FAT4: variants seen among roughly 807,000 people sequenced by gnomAD.
The protein encoded by FAT4 is FAT atypical cadherin 4.
FAT4 carries 84 observed loss-of-function variants against 303.9 expected under a neutral mutation model. That is an observed-to-expected ratio of 0.28 (90% confidence interval 0.23 to 0.33). The LOEUF is 0.33. Ranked by LOEUF, FAT4 falls within the 10% of genes least tolerant of loss-of-function variation. FAT4 has a pLI of 1.00. For missense variants in FAT4, 6,005 were observed against 6,146.8 expected, an observed-to-expected ratio of 0.98 and a Z score of 0.77; for synonymous variants, 2,307 against 2,298.8, an observed-to-expected ratio of 1.00 and a Z score of -0.10.
Position 125,320,970 on chromosome 4 carries a change from C to T in FAT4, c.4559C>T (p.Thr1520Ile). Residue 1520 changes from threonine (T) to isoleucine (I), a missense_variant, in exon 2 of 18, where the codon ACA becomes ATA. Physicochemically the swap from Thr to Ile is moderately conservative, Grantham distance 89 (BLOSUM62 -1). Transcript: ENST00000394329. ...TTGAAGAACGTGACCATTTTGGTTA[C>T]AGACCTCAATGACAATGTCCCAATG... is the stretch of plus-strand genomic sequence containing the variant. ...YALKNVTILVTDLNDNVPMFI... is the reference protein window; with the variant it reads ...YALKNVTILVIDLNDNVPMFI... 6.2e-7 allele frequency: 1 copy of T among 1,614,190 alleles called. No individual in the cohort carries two copies. The highest frequency in any genetic ancestry group is 1.1e-5 in the South Asian group (1 of 91,082).
At chr4:125,474,142 C>A (rs1226744837) in intron 12 of FAT4, among the ~76,000 whole-genome samples, 2 of 151,978 alleles carry the variant, frequency 1.3e-5, no homozygotes, top group African/African-American at 4.8e-5. Flanking sequence ...CTCCATTATT[C>A]TTTCTTTGAG....
intron 3 of FAT4, among the ~76,000 whole-genome samples, chr4:125,402,743 C>A (rs1022186311): frequency 1.3e-5 from 2 of 151,970 alleles, no homozygotes; most frequent in Non-Finnish European, 2.9e-5. Context: ...ATGCTGTAAT[C>A]CCCCACTGTG....
chr4:125,445,850 G>A (rs1192725327), intron 8 of FAT4, among the ~76,000 whole-genome samples: 2 of 152,196 alleles, frequency 1.3e-5, no homozygotes, highest in East Asian at 1.9e-4. Context: ...TGTCTTAAAA[G>A]AATACAATTT....
Position 125,363,705 on chromosome 4 carries a change from A to T in FAT4, c.5176-35079A>T, listed in dbSNP as rs553199318. ...GAGACGGGGTTTCACTATGTTGGCC[A>T]GGATGGGCTCGATCTCCTGACCTCA... On this transcript the variant is annotated intron_variant, in intron 2 of 17. Transcript: ENST00000394329. Among the ~76,000 whole-genome samples the T allele has an allele frequency of 2.0e-4, 31 of 152,212 alleles. 1 individual carries two copies. In the South Asian group the frequency reaches 6.2e-3, roughly 31 times the overall value.
chr4:125,491,474 T>C lies in FAT4; in HGVS notation c.14658T>C (p.Tyr4886=), dbSNP rs1376805728. 1.2e-6 allele frequency: 2 copies of C among 1,614,180 alleles called. No individual in the cohort carries two copies. The highest frequency in any genetic ancestry group is 8.5e-7 in the Non-Finnish European group (1 of 1,180,034). ...CTGATGCAGATGATGAAGATAATTA[T>C]GGAGCCAGACTGAAGCCTCGAAGGT... ...NESDADDEDN[Y]GARLKPRRYH... Residue 4886 remains tyrosine, a synonymous_variant, in exon 18 of 18, where the codon TAT becomes TAC. Coordinates refer to ENST00000394329, the MANE Select transcript of FAT4 (RefSeq NM_001291303.3).
At chr4:125,381,960 A>T (rs1733559011) in intron 2 of FAT4, among the ~76,000 whole-genome samples, 1 of 152,232 alleles carries the variant, frequency 6.6e-6, no homozygotes, top group Admixed American at 6.5e-5. Flanking sequence ...ATCCATAAGA[A>T]GCAAATCTTC....
chr4:125,490,201 G>A lies in FAT4; in HGVS notation c.13385G>A (p.Arg4462Lys), dbSNP rs1727568738. The A allele has an allele frequency of 1.2e-6, 2 of 1,614,026 alleles. No individual in the cohort carries two copies. The highest frequency in any genetic ancestry group is 2.2e-5 in the South Asian group (2 of 91,086). The change falls in exon 18 of 18, where the codon AGG (arginine) becomes AAG (lysine). Residue 4462 changes from arginine to lysine, a missense_variant. Transcript: ENST00000394329. ...AGCTGCCCAGACTCGCACACGGGAA[G>A]GACCTGTGAGATGGTGGTGGCCTGT... Reference protein sequence around the residue: ...TCSCPDSHTGRTCEMVVACLG... With the variant: ...TCSCPDSHTGKTCEMVVACLG...
Position 125,452,686 on chromosome 4 carries a change from T to C in FAT4, c.11676T>C (p.Asp3892=), listed in dbSNP as rs756029970. ...GAGGATTTTCATGCAGCTGCCCAGA[T>C]GGCTTCACTGGTAGGGCGTGTGAGA... ...LVGGFSCSCP[D]GFTGRACERD... The change falls in exon 10 of 18, where the codon GAT becomes GAC. Residue 3892 remains aspartate, a synonymous_variant. Coordinates refer to ENST00000394329, the MANE Select transcript of FAT4 (RefSeq NM_001291303.3). 2.5e-6 allele frequency: 4 copies of C among 1,614,030 alleles called. No homozygotes were observed. The African/African-American group carries it at 5.3e-5, about 22-fold the overall frequency.
At chr4:125,393,972 GC>G in intron 2 of FAT4, 1 of 780,242 alleles carries the variant, frequency 1.3e-6, no homozygotes, top group South Asian at 1.3e-5. Context: ...TGATACCTTA[GC>G]TCAACCATTA....
At chr4:125,350,805 A>C (rs1265954505) in intron 2 of FAT4, among the ~76,000 whole-genome samples, 1 of 151,682 alleles carries the variant, frequency 6.6e-6, no homozygotes, top group Non-Finnish European at 1.5e-5. Flanking sequence ...ATTGAATGTT[A>C]CTAGGGATGG....
intron 9 of FAT4, 32 bp from the exon 10 acceptor site, chr4:125,448,429 G>C (rs376403230): frequency 2.6e-6 from 4 of 1,545,192 alleles, no homozygotes; most frequent in Non-Finnish European, 3.5e-6. Flanking sequence ...TAAATTCCAC[G>C]TGAGTATAAC....
chr4:125,462,523 C>T (rs1726517358), intron 10 of FAT4, among the ~76,000 whole-genome samples: 1 of 151,786 alleles, frequency 6.6e-6, no homozygotes, highest in Non-Finnish European at 1.5e-5. Context: ...CAAATGATTG[C>T]AATACTTTAA....
Position 125,490,069 on chromosome 4 carries a change from T to G in FAT4, c.13253T>G (p.Ile4418Ser). 1 of 1,614,020 alleles carries G rather than the reference T, an allele frequency of 6.2e-7. No homozygotes were observed. Among genetic ancestry groups the G allele is most frequent in the Non-Finnish European group, 8.5e-7 (1 of 1,179,992 alleles). ...CCCTGCTGGGGTGATTTGCTGTGCA[T>G]TAATCAGTGGTATGCCTACAGGTGT... is the stretch of plus-strand genomic sequence containing the variant. The part of the protein sequence containing the change: ...SNPCWGDLLC[I>S]NQWYAYRCVP... The change falls in exon 18 of 18, where the codon ATT (isoleucine) becomes AGT (serine). Residue 4418 changes from isoleucine (I) to serine (S), a missense_variant. By Grantham distance (142) the Ile-to-Ser change is moderately radical. Transcript: ENST00000394329.
Position 125,451,331 on chromosome 4 carries a change from A to C in FAT4, c.10321A>C (p.Arg3441=). The change falls in exon 10 of 18, where the codon AGG becomes CGG. Residue 3441 remains arginine, a synonymous_variant. Transcript: ENST00000394329. ...CTCAGACTCCATCCCCAGCTGGAGC[A>C]GGTTTTCTTACTTCATCGGATCAGG... ...FDSDSIPSWS[R]FSYFIGSGNE... is the part of the protein sequence containing the mutation. 6.2e-7 allele frequency: 1 copy of C among 1,614,170 alleles called. No individual in the cohort carries two copies. Among genetic ancestry groups the C allele is most frequent in the South Asian group, 1.1e-5 (1 of 91,084 alleles).
chr4:125,429,753 A>G (rs1024966532), intron 7 of FAT4, among the ~76,000 whole-genome samples: 25 of 152,230 alleles, frequency 1.6e-4, no homozygotes, highest in Admixed American at 1.6e-3. Context: ...AGGTTTACAG[A>G]TAATGACTCT....
Position 125,317,510 on chromosome 4 carries a change from G to C in FAT4, c.1099G>C (p.Val367Leu). Reference protein sequence around the residue: ...YFPATSRYASVDENAQVGTVV... With the variant: ...YFPATSRYASLDENAQVGTVV... Reference sequence around the variant, plus strand: ...CCCGGCCACCTCGCGCTACGCCTCGGTAGATGAGAATGCTCAAGTGGGCAC... The same window carrying C: ...CCCGGCCACCTCGCGCTACGCCTCGCTAGATGAGAATGCTCAAGTGGGCAC... Residue 367 changes from valine to leucine, a missense_variant, in exon 2 of 18, where the codon GTA becomes CTA. Transcript: ENST00000394329. This position sits in a 1 kb window ranked among gnomAD's most constrained non-coding sequence, Gnocchi z 7.0. 6.2e-7 allele frequency: 1 copy of C among 1,613,860 alleles called. No individual in the cohort carries two copies. Among genetic ancestry groups the C allele is most frequent in the Non-Finnish European group, 8.5e-7 (1 of 1,180,020 alleles).
intron 2 of FAT4, among the ~76,000 whole-genome samples, chr4:125,339,107 A>G (rs1731677301): frequency 6.6e-6 from 1 of 152,076 alleles, no homozygotes; most frequent in Non-Finnish European, 1.5e-5. Context: ...ATTTGATGAC[A>G]TATTTTTACA....
intron 14 of FAT4, among the ~76,000 whole-genome samples, chr4:125,478,443 G>A (rs538717049): frequency 2.0e-5 from 3 of 151,798 alleles, no homozygotes; most frequent in Non-Finnish European, 2.9e-5. Context: ...ATCTTTTTAG[G>A]TCAAAACCTA....
At chr4:125,405,484 T>C (rs564816946) in intron 3 of FAT4, among the ~76,000 whole-genome samples, 178 of 152,194 alleles carry the variant, frequency 1.2e-3, no homozygotes, top group African/African-American at 4.1e-3. Flanking sequence ...TGATGATTAG[T>C]GACACTGAGT....
Sources: gnomAD v4.1 joint callset for allele counts (sites outside exome capture counted in the v4.1 genomes callset) on GRCh38, gnomAD v4.1.1 for gene constraint, Gnocchi (gnomAD v3.1) non-coding constraint, MANE v1.5 for transcripts, NCBI Gene and HGNC (gene_info 2026-07-23, HGNC 2026-07-21) for gene names.